The following SLC6A17 variants were observed in gnomAD, a reference collection of about 807,000 sequenced individuals.
The protein encoded by SLC6A17 is solute carrier family 6 member 17, also known as sodium-dependent neutral amino acid transporter SLC6A17.
In SLC6A17, 21 loss-of-function variants were observed where a neutral mutation model predicts 64.5. The observed-to-expected ratio is 0.33, with a 90% CI of 0.23 to 0.47. The LOEUF is 0.47. Ranked by LOEUF, SLC6A17 falls within the 20% of genes least tolerant of loss-of-function variation. SLC6A17 has a pLI of 1.00. For missense variants in SLC6A17, 682 were observed against 963.2 expected (o/e 0.71, Z 3.86); for synonymous variants, 372 against 399.5 (o/e 0.93, Z 0.82).
At chr1:110,180,761 G>A (rs556075905) in intron 6 of SLC6A17, among the ~76,000 whole-genome samples, 129 of 152,118 alleles carry the variant, frequency 8.5e-4, no homozygotes, top group Non-Finnish European at 1.4e-3. Flanking sequence ...GCTGTGCACT[G>A]CTCCATTCAT....
At chr1:110,171,489 C>T (rs1176413088) in intron 2 of SLC6A17, among the ~76,000 whole-genome samples, 1 of 152,192 alleles carries the variant, frequency 6.6e-6, no homozygotes, top group African/African-American at 2.4e-5. Flanking sequence ...CCATTCCTCT[C>T]AATTAGCTGT....
chr1:110,192,297 T>G lies in SLC6A17; in HGVS notation c.1106+84T>G. 5 of 1,547,958 alleles carry G rather than the reference T, an allele frequency of 3.2e-6. No homozygotes were observed. Among genetic ancestry groups the G allele is most frequent in the Non-Finnish European group, 4.4e-6 (5 of 1,142,578 alleles). ...GCAGGGGTGGGGGCGCAGGTGTGCA[T>G]GGGGAGAGAGGTCCCCTCCACTCAG... is the stretch of plus-strand genomic sequence containing the variant. On this transcript the variant is annotated intron_variant, in intron 7 of 11. Transcript: ENST00000331565. This position sits in a 1 kb window ranked among gnomAD's most constrained non-coding sequence, Gnocchi z 4.3.
chr1:110,181,794 T>C (rs1185531114), intron 6 of SLC6A17, among the ~76,000 whole-genome samples: 1 of 7,098 alleles, frequency 1.4e-4, no homozygotes, highest in African/African-American at 7.8e-4. Flanking sequence ...GAACAATGAG[T>C]GTGAAAAGGA....
intron 1 of SLC6A17, chr1:110,166,047 G>T (rs1656043809): frequency 6.6e-6 from 1 of 152,232 alleles, no homozygotes; most frequent in African/African-American, 2.4e-5. Context: ...CCCATGTCGT[G>T]CAGACATTAT....
chr1:110,171,639 C>T (rs1656227567), intron 2 of SLC6A17, among the ~76,000 whole-genome samples: 2 of 151,786 alleles, frequency 1.3e-5, no homozygotes, highest in Admixed American at 6.6e-5. Context: ...CATCTGGGGG[C>T]GAGTAAGCCC....
chr1:110,173,935 C>G (rs1385710012), intron 3 of SLC6A17, 38 bp from the exon 4 acceptor site: 1 of 1,585,510 alleles, frequency 6.3e-7, no homozygotes, highest in South Asian at 1.2e-5. Context: ...GTGGAGTTGC[C>G]TGCAGCCTCA....
intron 10 of SLC6A17, among the ~76,000 whole-genome samples, chr1:110,196,602 G>A (rs1168018423): frequency 2.0e-5 from 3 of 152,154 alleles, no homozygotes. Flanking sequence ...TGATGTCCCT[G>A]TATGTTACTT....
chr1:110,197,695 A>G (rs1048648559), intron 11 of SLC6A17, 96 bp downstream of exon 11: 1 of 1,379,844 alleles, frequency 7.2e-7, no homozygotes, highest in East Asian at 2.4e-5. Context: ...GGCAGCTGCT[A>G]TGTGCCAGGC....
chr1:110,192,090 A>G lies in SLC6A17; in HGVS notation c.983A>G (p.Asn328Ser). Residue 328 changes from asparagine (N) to serine (S), a missense_variant, in exon 7 of 12, where the codon AAC (asparagine) becomes AGC (serine). Asn to Ser is a conservative substitution (Grantham distance 46). This residue lies in a region of SLC6A17 where 415 missense variants were observed against 603.8 expected (regional missense o/e 0.69). Coordinates refer to ENST00000331565, the MANE Select transcript of SLC6A17 (RefSeq NM_001010898.4). This position sits in a 1 kb window ranked among gnomAD's most constrained non-coding sequence, Gnocchi z 4.3. ...AFSSYNKQDNNCHFDAALVSF... is the reference protein window; with the variant it reads ...AFSSYNKQDNSCHFDAALVSF... Reference sequence around the variant, plus strand: ...TCCAGCTACAATAAGCAGGACAACAACTGCCACTTCGATGCCGCCCTGGTG... The same window carrying G: ...TCCAGCTACAATAAGCAGGACAACAGCTGCCACTTCGATGCCGCCCTGGTG... 1 of 1,614,114 alleles carries G rather than the reference A, an allele frequency of 6.2e-7. No homozygotes were observed. Among genetic ancestry groups the G allele is most frequent in the Non-Finnish European group, 8.5e-7 (1 of 1,180,020 alleles).
intron 6 of SLC6A17, among the ~76,000 whole-genome samples, chr1:110,188,798 C>T (rs1042126916): frequency 3.3e-5 from 5 of 151,504 alleles, no homozygotes; most frequent in Admixed American, 2.6e-4. Flanking sequence ...CCGAGGCTTG[C>T]TTCTCCGAGG....
chr1:110,168,374 G>A lies in SLC6A17; in HGVS notation c.286+1159G>A, dbSNP rs574885282. Among the ~76,000 whole-genome samples the A allele has an allele frequency of 4.6e-5, 7 of 152,346 alleles. No homozygotes were observed. In the East Asian group the frequency reaches 1.2e-3, roughly 25 times the overall value. On this transcript the variant is annotated intron_variant, in intron 2 of 11. Coordinates refer to ENST00000331565, the MANE Select transcript of SLC6A17 (RefSeq NM_001010898.4). Reference sequence around the variant, plus strand: ...TAGTTTAGAAGGCCACATTTGGCTGGGAGGCTTCTCCTTTCCAGTTTCTTT... The same window carrying A: ...TAGTTTAGAAGGCCACATTTGGCTGAGAGGCTTCTCCTTTCCAGTTTCTTT...
chr1:110,176,839 C>A (rs764988058), intron 6 of SLC6A17, 100 bp downstream of exon 6: 61 of 1,028,058 alleles, frequency 5.9e-5, no homozygotes, highest in Non-Finnish European at 6.8e-5. Context: ...CTCCGAACAC[C>A]TGCTATGTGT....
chr1:110,176,603 A>G (rs995725645), intron 5 of SLC6A17, 26 bp from the exon 6 acceptor site: 5 of 1,608,506 alleles, frequency 3.1e-6, no homozygotes, highest in Non-Finnish European at 4.3e-6. Flanking sequence ...GCTCTGCCTG[A>G]TGGGGGTTCC....
intron 3 of SLC6A17, 38 bp from the exon 4 acceptor site, chr1:110,173,935 C>T (rs1385710012): frequency 1.3e-6 from 2 of 1,585,890 alleles, no homozygotes; most frequent in Non-Finnish European, 1.7e-6. Context: ...GTGGAGTTGC[C>T]TGCAGCCTCA....
At chr1:110,165,831 A>G (rs1656035479) in intron 1 of SLC6A17, among the ~76,000 whole-genome samples, 1 of 152,230 alleles carries the variant, frequency 6.6e-6, no homozygotes, top group African/African-American at 2.4e-5. Flanking sequence ...TTACATCCCT[A>G]GAAAGATGCA....
rs754583990 is a variant in SLC6A17, at chr1:110,194,789, C to G, written c.1492+18C>G. ...GTTCACAGGTAACTCCTCCCTGCCC[C>G]CATGCCCAGGCTCTGCAGGCTGCCC... is the stretch of plus-strand genomic sequence containing the variant. On this transcript the variant is annotated intron_variant, in intron 9 of 11. Transcript: ENST00000331565. 1.3e-5 allele frequency: 21 copies of G among 1,609,822 alleles called. No individual in the cohort carries two copies. Among genetic ancestry groups the G allele is most frequent in the Non-Finnish European group, 1.8e-5 (21 of 1,179,988 alleles).
chr1:110,185,635 C>G (rs1162238171), intron 6 of SLC6A17, among the ~76,000 whole-genome samples: 1 of 152,202 alleles, frequency 6.6e-6, no homozygotes, highest in Non-Finnish European at 1.5e-5. Flanking sequence ...GCCGCCTTTT[C>G]TGAGGGAAAA....
In SLC6A17 at chr1:110,200,015, T is replaced by C. The variant is rs1657081801; in HGVS notation, c.*1571T>C. On this transcript the variant is annotated 3_prime_UTR_variant, in exon 12 of 12. Coordinates refer to ENST00000331565, the MANE Select transcript of SLC6A17 (RefSeq NM_001010898.4). ...AGGAAAGGAGGGAGAAAGGAGGGAA[T>C]ACTGGCTCCATCTTTGAGAGCTCTG... 1 of 391,746 alleles carries C rather than the reference T, an allele frequency of 2.6e-6. No individual in the cohort carries two copies. The highest frequency in any genetic ancestry group is 1.3e-4 in the South Asian group (1 of 7,760). The allele number at this position is 391,746 out of a possible 1,614,324, so 24.3% of individuals were successfully genotyped here. A position where few individuals can be genotyped will look rare whatever the true frequency, so the allele number is the denominator to read the frequency against.
At position 110,190,610 on chromosome 1, in the gene SLC6A17, T is replaced by G. The variant is rs1022781603; in HGVS notation, c.865-1362T>G. On this transcript the variant is annotated intron_variant, in intron 6 of 11. Coordinates refer to ENST00000331565, the MANE Select transcript of SLC6A17 (RefSeq NM_001010898.4). ...CGGACCCTAGAGTCCAACACCTCAC[T>G]GTTCAGGTGAGGACTTACCCACAGG... Among the ~76,000 whole-genome samples the G allele has an allele frequency of 2.6e-5, 4 of 152,170 alleles. No individual in the cohort carries two copies. In the East Asian group the frequency reaches 7.7e-4, roughly 29 times the overall value.
Sources: gnomAD v4.1 joint callset for allele counts (sites outside exome capture counted in the v4.1 genomes callset) on GRCh38, gnomAD v4.1.1 for gene constraint, gnomAD v4.1.1 regional missense constraint, Gnocchi (gnomAD v3.1) non-coding constraint, MANE v1.5 for transcripts, NCBI Gene and HGNC (gene_info 2026-07-23, HGNC 2026-07-21) for gene names.